WWOX: variants seen among roughly 807,000 people sequenced by gnomAD.
The protein encoded by WWOX is WW domain-containing oxidoreductase.
WWOX carries 69 observed loss-of-function variants against 46.2 expected under a neutral mutation model. The ratio of observed to expected loss-of-function variants is 1.49; its 90% CI spans 1.23 to 1.82. The LOEUF (loss-of-function observed/expected upper bound fraction) is 1.82. Ranked by LOEUF, WWOX falls within the 40% of genes most tolerant of loss-of-function variation. The pLI is 0.00. For synonymous variants in WWOX, 359 were observed against 202.6 expected (o/e 1.77, Z -6.56); for missense variants, 919 against 542.6 (o/e 1.69, Z -6.89).
At chr16:78,334,917 C>T (rs573634933) in intron 5 of WWOX, among the ~76,000 whole-genome samples, 5 of 109,860 alleles carry the variant, frequency 4.6e-5, no homozygotes, top group African/African-American at 2.3e-4. Context: ...GAGATACCAT[C>T]TTTTTTTAAA....
At chr16:79,054,116 T>C (rs1407340469) in intron 8 of WWOX, among the ~76,000 whole-genome samples, 1 of 152,182 alleles carries the variant, frequency 6.6e-6, no homozygotes, top group Admixed American at 6.5e-5. Context: ...ATAAGATCTT[T>C]AATGTTTTAG....
At chr16:78,901,113 C>A (rs1299597378) in intron 8 of WWOX, among the ~76,000 whole-genome samples, 1 of 152,208 alleles carries the variant, frequency 6.6e-6, no homozygotes, top group African/African-American at 2.4e-5. Flanking sequence ...CATTACCTTT[C>A]TCCTTCAAGC....
At chr16:78,477,287 C>T (rs1011159560) in intron 8 of WWOX, among the ~76,000 whole-genome samples, 2 of 152,248 alleles carry the variant, frequency 1.3e-5, no homozygotes, top group African/African-American at 4.8e-5. Flanking sequence ...ATGAAAAGCT[C>T]ATTATGTAAG....
chr16:78,914,480 C>A lies in WWOX; in HGVS notation c.1057-297128C>A, dbSNP rs1167056763. Among the ~76,000 whole-genome samples, 7 of 152,080 alleles carry A rather than the reference C, an allele frequency of 4.6e-5. No homozygotes were observed. In the East Asian group the frequency reaches 1.2e-3, roughly 25 times the overall value. The stretch of plus-strand genomic sequence containing the variant: ...AGATTCATGAAATTTCTTTTTAATG[C>A]AGAAGATTTCTTATGTGATTAACTG... On this transcript the variant is annotated intron_variant, in intron 8 of 8. Coordinates refer to ENST00000566780, the MANE Select transcript of WWOX (RefSeq NM_016373.4).
chr16:78,171,056 G>A (rs2035140600), intron 5 of WWOX, among the ~76,000 whole-genome samples: 1 of 152,186 alleles, frequency 6.6e-6, no homozygotes, highest in East Asian at 1.9e-4. Flanking sequence ...TCATTGATTA[G>A]CATCGGAAAT....
chr16:78,266,089 C>G (rs2079356146), intron 5 of WWOX: 1 of 152,148 alleles, frequency 6.6e-6, no homozygotes, highest in South Asian at 2.1e-4. Context: ...ATCAAACTGT[C>G]TCTGATATGA....
chr16:78,144,819 C>T (rs1270929064), intron 4 of WWOX, among the ~76,000 whole-genome samples: 7 of 151,776 alleles, frequency 4.6e-5, no homozygotes, highest in African/African-American at 1.7e-4. Flanking sequence ...CCGTGCCTGG[C>T]CTGCCGTTAC....
chr16:78,918,700 C>G (rs933908834), intron 8 of WWOX, among the ~76,000 whole-genome samples: 33 of 152,268 alleles, frequency 2.2e-4, no homozygotes, highest in African/African-American at 7.7e-4. Flanking sequence ...TTATCTTATT[C>G]TAGTCTCAGG....
intron 8 of WWOX, among the ~76,000 whole-genome samples, chr16:78,598,577 C>T (rs947339737): frequency 3.3e-5 from 5 of 152,118 alleles, no homozygotes; most frequent in African/African-American, 7.2e-5. Context: ...TCGGTGCCAT[C>T]GGTGACGCCA....
intron 8 of WWOX, among the ~76,000 whole-genome samples, chr16:79,048,710 C>G (rs1490179840): frequency 3.9e-5 from 6 of 152,108 alleles, no homozygotes; most frequent in African/African-American, 1.4e-4. Flanking sequence ...TTCAAACTTT[C>G]AAATTGTCTT....
At chr16:78,935,831 C>T (rs1162356294) in intron 8 of WWOX, among the ~76,000 whole-genome samples, 1 of 152,030 alleles carries the variant, frequency 6.6e-6, no homozygotes, top group Non-Finnish European at 1.5e-5. Flanking sequence ...AGGATCACTT[C>T]AGCTCAGGTG....
At chr16:78,644,523 G>A (rs1261922914) in intron 8 of WWOX, among the ~76,000 whole-genome samples, 1 of 152,008 alleles carries the variant, frequency 6.6e-6, no homozygotes, top group Admixed American at 6.6e-5. Flanking sequence ...GTACAGTGGG[G>A]CAAACTCAGC....
chr16:78,811,163 C>G (rs540830502), intron 8 of WWOX, among the ~76,000 whole-genome samples: 1 of 152,084 alleles, frequency 6.6e-6, no homozygotes. Context: ...ATTCAGTATC[C>G]GAAAAACAAT....
chr16:79,120,331 T>G (rs2049603321), intron 8 of WWOX, among the ~76,000 whole-genome samples: 1 of 152,140 alleles, frequency 6.6e-6, no homozygotes, highest in Non-Finnish European at 1.5e-5. Context: ...TCAGGCGCAT[T>G]TACCCTACAG....
intron 8 of WWOX, among the ~76,000 whole-genome samples, chr16:78,595,995 A>T (rs2045480695): frequency 6.6e-6 from 1 of 152,190 alleles, no homozygotes; most frequent in Non-Finnish European, 1.5e-5. Flanking sequence ...TAAGACATAT[A>T]CTCAGAGTGG....
chr16:78,859,715 G>T (rs762941081), intron 8 of WWOX, among the ~76,000 whole-genome samples: 35 of 152,196 alleles, frequency 2.3e-4, no homozygotes, highest in Non-Finnish European at 4.0e-4. Context: ...TTCTGGGTTA[G>T]AGGATATAAC....
chr16:78,455,720 C>A (rs1597109809), intron 8 of WWOX, among the ~76,000 whole-genome samples: 2 of 111,744 alleles, frequency 1.8e-5, no homozygotes, highest in African/African-American at 3.1e-5. Flanking sequence ...TAAATCAAGA[C>A]AAATTCAATA....
intron 8 of WWOX, among the ~76,000 whole-genome samples, chr16:78,460,725 C>T (rs1044108200): frequency 2.0e-4 from 31 of 152,186 alleles, no homozygotes; most frequent in African/African-American, 7.0e-4. Context: ...ACATGACATT[C>T]GATCCACGTG....
chr16:78,494,066 C>G (rs1289433329), intron 8 of WWOX, among the ~76,000 whole-genome samples: 1 of 152,166 alleles, frequency 6.6e-6, no homozygotes, highest in African/African-American at 2.4e-5. Context: ...TCTCGGGAGG[C>G]CTCAGGAAAC....
Sources: gnomAD v4.1 joint callset for allele counts (sites outside exome capture counted in the v4.1 genomes callset) on GRCh38, gnomAD v4.1.1 for gene constraint, MANE v1.5 for transcripts, NCBI Gene and HGNC (gene_info 2026-07-23, HGNC 2026-07-21) for gene names.